Variants in SH3GL1 observed in about 807,000 individuals in gnomAD.
SH3GL1 encodes SH3 domain containing GRB2 like 1, endophilin A2.
SH3GL1 carries 21 observed loss-of-function variants against 48.8 expected under a neutral mutation model. That is an observed-to-expected ratio of 0.43 (90% CI 0.30 to 0.62). The LOEUF (loss-of-function observed/expected upper bound fraction) is 0.62, where lower values mean the gene tolerates loss of function less well. SH3GL1 is among the 20% of genes least tolerant of loss of function. The pLI is 0.11. For missense variants in SH3GL1, 454 were observed against 503.0 expected (o/e 0.90, Z 0.93); for synonymous variants, 282 against 217.5 (o/e 1.30, Z -2.61).
At chr19:4,362,421 A>G (rs200444238) in intron 8 of SH3GL1, 36 bp from the exon 9 acceptor site, 67 of 1,598,182 alleles carry the variant, frequency 4.2e-5, no homozygotes, top group Non-Finnish European at 5.5e-5. Context: ...TGTGGGCTCA[A>G]AACGGTCGGG....
chr19:4,361,713 C>A lies in SH3GL1; in HGVS notation c.994G>T (p.Val332Phe). ...TCGATCTGGTTGGTCAGCGTGATGA[C>A]GTCGCCCTCATGGAAGCCCAGCTCC... ...DGELGFHEGD[V>F]ITLTNQIDEN... The change falls in exon 10 of 10, where the codon GTC (valine) becomes TTC (phenylalanine). Residue 332 changes from valine (V) to phenylalanine (F), a missense_variant. By Grantham distance (50) the Val-to-Phe change is conservative (BLOSUM62 -1). Coordinates refer to ENST00000269886, the MANE Select transcript of SH3GL1 (RefSeq NM_003025.4). 6.2e-7 allele frequency: 1 copy of A among 1,613,266 alleles called. No homozygotes were observed. Among genetic ancestry groups the A allele is most frequent in the Non-Finnish European group, 8.5e-7 (1 of 1,179,802 alleles).
chr19:4,382,390 T>C (rs960728439), intron 1 of SH3GL1, among the ~76,000 whole-genome samples: 4 of 151,438 alleles, frequency 2.6e-5, no homozygotes, highest in African/African-American at 7.3e-5. Flanking sequence ...CCCGAGTAGC[T>C]GGGACTACAG....
At position 4,362,330 on chromosome 19, in the gene SH3GL1, C is replaced by T. The variant is rs1023462737; in HGVS notation, c.909G>A (p.Met303Ile). ...DKPIRTPSRS[M>I]PPLDQPSCKA... is the part of the protein sequence containing the mutation. Reference sequence around the variant, plus strand: ...CGAGGCGGGCCTGGGAACACTCACGCATGCTCCGGCTAGGGGTCCGGATGG... The same window carrying T: ...CGAGGCGGGCCTGGGAACACTCACGTATGCTCCGGCTAGGGGTCCGGATGG... The change falls in exon 9 of 10, where the codon ATG becomes ATA. Residue 303 changes from methionine to isoleucine, a missense_variant and splice_region_variant. Met to Ile is a conservative substitution (Grantham distance 10). This residue lies in a region of SH3GL1 where 278 missense variants were observed against 246.8 expected (regional missense o/e 1.13). Coordinates refer to ENST00000269886, the MANE Select transcript of SH3GL1 (RefSeq NM_003025.4). The T allele has an allele frequency of 3.7e-6, 6 of 1,611,324 alleles. No individual in the cohort carries two copies. Among genetic ancestry groups the T allele is most frequent in the African/African-American group, 2.7e-5 (2 of 74,918 alleles).
At chr19:4,373,464 G>C (rs924438012) in intron 1 of SH3GL1, among the ~76,000 whole-genome samples, 2 of 152,356 alleles carry the variant, frequency 1.3e-5, no homozygotes, top group African/African-American at 4.8e-5. Context: ...TGGGAACGGA[G>C]GCACTGAAAA....
rs1373617293 is a variant in SH3GL1 at position 4,366,411 on chromosome 19, G to A, written c.187+90C>T. 23 of 1,026,824 alleles carry A rather than the reference G, an allele frequency of 2.2e-5. No individual in the cohort carries two copies. The East Asian group carries it at 5.1e-4, about 23-fold the overall frequency. 63.6% of individuals were successfully genotyped at this position (1,026,824 alleles called of 1,614,324 possible). On this transcript the variant is annotated intron_variant, in intron 3 of 9. Transcript: ENST00000269886. ...GCTGTGCCTGAAGCCCACAACCCAT[G>A]AGCCTGGCGGTTCTGTCATCCCCTG...
At chr19:4,374,062 C>T (rs900317004) in intron 1 of SH3GL1, among the ~76,000 whole-genome samples, 3 of 152,188 alleles carry the variant, frequency 2.0e-5, no homozygotes, top group African/African-American at 2.4e-5. Context: ...TTGTTGTGTG[C>T]GCGGCAGCGA....
intron 7 of SH3GL1, 104 bp from the exon 8 acceptor site, chr19:4,362,840 A>T: frequency 6.4e-7 from 1 of 1,566,752 alleles, no homozygotes; most frequent in East Asian, 2.2e-5. Flanking sequence ...GGACTGCAGG[A>T]AGAGGCCGTC....
chr19:4,369,924 G>C (rs1972861677), intron 1 of SH3GL1, among the ~76,000 whole-genome samples: 1 of 152,248 alleles, frequency 6.6e-6, no homozygotes, highest in Admixed American at 6.5e-5. Context: ...GCAGCCACAA[G>C]GGAAACACGG....
chr19:4,386,269 T>A (rs1973232917), intron 1 of SH3GL1, among the ~76,000 whole-genome samples: 1 of 152,104 alleles, frequency 6.6e-6, no homozygotes, highest in Admixed American at 6.5e-5. Context: ...GGCAAGGGAT[T>A]GCGGCGAGGG....
intron 4 of SH3GL1, 86 bp downstream of exon 4, chr19:4,365,396 C>T: frequency 6.4e-7 from 1 of 1,562,924 alleles, no homozygotes; most frequent in Non-Finnish European, 8.8e-7. Flanking sequence ...CGGCACTCAG[C>T]ACATGCAGGG....
rs775305135 is a variant in SH3GL1 at position 4,361,580 on chromosome 19, G to A, written c.*20C>T. The A allele has an allele frequency of 1.3e-5, 20 of 1,564,732 alleles. No homozygotes were observed. The highest frequency in any genetic ancestry group is 1.7e-5 in the Admixed American group (1 of 59,152). ...TGCCGGCCAGTGTGGACGGAGGGGC[G>A]GGGCGGGGACACGGGTGAGTCACTG... On this transcript the variant is annotated 3_prime_UTR_variant, in exon 10 of 10. Transcript: ENST00000269886.
chr19:4,370,503 G>T (rs1358713651), intron 1 of SH3GL1, among the ~76,000 whole-genome samples: 1 of 152,162 alleles, frequency 6.6e-6, no homozygotes, highest in Non-Finnish European at 1.5e-5. Context: ...AGGGTGGCAG[G>T]GTGGGTGGGG....
In SH3GL1 at chr19:4,367,943, G is replaced by A. The variant is rs1224690843; in HGVS notation, c.46-949C>T. 3.3e-5 allele frequency among the ~76,000 whole-genome samples: 5 copies of A among 152,202 alleles called. No individual in the cohort carries two copies. Among genetic ancestry groups the A allele is most frequent in the African/African-American group, 9.6e-5 (4 of 41,454 alleles). ...AGCACACAGCGCTTCATGAAGAGCC[G>A]AGTGGCTGCCAGGCCCTGCCACAAA... On this transcript the variant is annotated intron_variant, in intron 1 of 9. Coordinates refer to ENST00000269886, the MANE Select transcript of SH3GL1 (RefSeq NM_003025.4). The surrounding 1 kb of genome is among the most constrained non-coding windows in gnomAD (Gnocchi z 4.2).
At chr19:4,395,339 T>C (rs1356158748) in intron 1 of SH3GL1, among the ~76,000 whole-genome samples, 1 of 152,172 alleles carries the variant, frequency 6.6e-6, no homozygotes, top group Non-Finnish European at 1.5e-5. Flanking sequence ...GATAGTGGCA[T>C]TTGAGGCCAG....
rs1337983172 is a variant in SH3GL1 at position 4,389,763 on chromosome 19, T to C, written c.45+10561A>G. 6.6e-6 allele frequency among the ~76,000 whole-genome samples: 1 copy of C among 152,184 alleles called. No individual in the cohort carries two copies. The highest frequency in any genetic ancestry group is 2.4e-5 in the African/African-American group (1 of 41,444). Reference sequence around the variant, plus strand: ...CAGCCAGTAAACCAAACACTGGGGATGCAGCAATGAGCACAAATGCCTGGC... The same window carrying C: ...CAGCCAGTAAACCAAACACTGGGGACGCAGCAATGAGCACAAATGCCTGGC... On this transcript the variant is annotated intron_variant, in intron 1 of 9. Coordinates refer to ENST00000269886, the MANE Select transcript of SH3GL1 (RefSeq NM_003025.4). This position sits in a 1 kb window ranked among gnomAD's most constrained non-coding sequence, Gnocchi z 4.5.
rs1972683742 is a variant in SH3GL1 at position 4,363,515 on chromosome 19, T to C, written c.625-42A>G. 3 of 1,569,010 alleles carry C rather than the reference T, an allele frequency of 1.9e-6. No homozygotes were observed. In the East Asian group the frequency reaches 6.8e-5, roughly 36 times the overall value. ...GCTCAGGGGCTCCTGCCAGTGCCAC[T>C]GTCCTGTGCCTTCCCTGACTCCCGA... On this transcript the variant is annotated intron_variant, in intron 6 of 9. Coordinates refer to ENST00000269886, the MANE Select transcript of SH3GL1 (RefSeq NM_003025.4).
intron 1 of SH3GL1, among the ~76,000 whole-genome samples, chr19:4,377,290 C>T (rs982604466): frequency 6.6e-6 from 1 of 152,224 alleles, no homozygotes; most frequent in Non-Finnish European, 1.5e-5. Context: ...GGAGGCCAAA[C>T]AGAAACCGCC....
chr19:4,362,199 C>T, intron 9 of SH3GL1, 130 bp downstream of exon 9: 1 of 940,810 alleles, frequency 1.1e-6, no homozygotes, highest in South Asian at 1.4e-5. Flanking sequence ...GGGGCCTGTG[C>T]CCCCTACTGC....
intron 1 of SH3GL1, among the ~76,000 whole-genome samples, chr19:4,368,191 G>A (rs1972822895): frequency 6.6e-6 from 1 of 152,218 alleles, no homozygotes; most frequent in South Asian, 2.1e-4. Flanking sequence ...TCTGATTGGT[G>A]CTTGCCTGCC....
Sources: allele counts gnomAD v4.1 joint callset (sites outside exome capture counted in the v4.1 genomes callset), GRCh38; gene constraint gnomAD v4.1.1; regional missense constraint gnomAD v4.1.1; non-coding constraint Gnocchi (gnomAD v3.1); transcripts MANE v1.5; gene names NCBI Gene and HGNC (gene_info 2026-07-23, HGNC 2026-07-21).